The following NAALADL2 variants were observed in gnomAD, a reference collection of about 807,000 sequenced individuals.
NAALADL2 encodes the protein N-acetylated alpha-linked acidic dipeptidase like 2.
A neutral mutation model predicts 87.2 loss-of-function variants in NAALADL2; 76 were observed. That is an observed-to-expected ratio of 0.87 (90% CI 0.72 to 1.05). NAALADL2 has a LOEUF of 1.05. NAALADL2 is among the 50% of genes least tolerant of loss of function. The pLI is 0.00. For synonymous variants in NAALADL2, 354 were observed against 331.0 expected, an observed-to-expected ratio of 1.07 and a Z score of -0.75; for missense variants, 1,089 against 945.8, an observed-to-expected ratio of 1.15 and a Z score of -1.99.
chr3:175,318,696 G>A (rs1759465729), intron 4 of NAALADL2, among the ~76,000 whole-genome samples: 1 of 152,130 alleles, frequency 6.6e-6, no homozygotes, highest in African/African-American at 2.4e-5. Context: ...GGTGATGTGT[G>A]TATGATATAT....
intron 10 of NAALADL2, among the ~76,000 whole-genome samples, chr3:175,606,116 G>A (rs567158638): frequency 7.2e-5 from 11 of 152,280 alleles, no homozygotes; most frequent in Admixed American, 7.2e-4. Context: ...AAGAGCAACA[G>A]AACAAAAGAA....
intron 1 of NAALADL2, among the ~76,000 whole-genome samples, chr3:174,914,906 C>A (rs1176922614): frequency 6.6e-6 from 1 of 152,018 alleles, no homozygotes; most frequent in Non-Finnish European, 1.5e-5. Flanking sequence ...TTAGAATTAT[C>A]TTTTCATTTT....
chr3:175,592,015 T>C (rs1055868413), intron 10 of NAALADL2, among the ~76,000 whole-genome samples: 1 of 151,978 alleles, frequency 6.6e-6, no homozygotes, highest in African/African-American at 2.4e-5. Flanking sequence ...GTCTTACAAG[T>C]CTGCAAAGCA....
At chr3:174,743,105 A>G (rs1037566159) in intron 3 of NAALADL2, among the ~76,000 whole-genome samples, 6 of 151,770 alleles carry the variant, frequency 4.0e-5, no homozygotes, top group African/African-American at 1.4e-4. Flanking sequence ...ATCAAAGTAA[A>G]TATCCTATCA....
At chr3:174,644,582 C>A (rs1652664718) in intron 2 of NAALADL2, among the ~76,000 whole-genome samples, 1 of 151,994 alleles carries the variant, frequency 6.6e-6, no homozygotes, top group Admixed American at 6.5e-5. Context: ...GCAGTTTAAA[C>A]CCAGGTTGTT....
chr3:174,607,775 A>G (rs910754549), intron 2 of NAALADL2, among the ~76,000 whole-genome samples: 1 of 152,150 alleles, frequency 6.6e-6, no homozygotes, highest in Non-Finnish European at 1.5e-5. Flanking sequence ...AAAGTTAACA[A>G]GGATACCCAG....
intron 4 of NAALADL2, among the ~76,000 whole-genome samples, chr3:175,295,976 A>T (rs1490523312): frequency 1.3e-5 from 2 of 151,802 alleles, no homozygotes. Context: ...TTCTGTTTGG[A>T]ATGCAGGTTC....
rs1049357122 is a variant in NAALADL2, at chr3:175,503,600, T to C, written c.1653+31842T>C. On this transcript the variant is annotated intron_variant, in intron 9 of 13. Coordinates refer to ENST00000454872, the MANE Select transcript of NAALADL2 (RefSeq NM_207015.3). ...ACAACCTCACTAGTATGTGTTATTT[T>C]TTGACTTCTTAATAATAGCCATTCT... Among the ~76,000 whole-genome samples the C allele has an allele frequency of 3.9e-5, 6 of 152,272 alleles. No individual in the cohort carries two copies. In the South Asian group the frequency reaches 1.2e-3, roughly 32 times the overall value.
chr3:175,072,030 G>A (rs775030111), intron 1 of NAALADL2, among the ~76,000 whole-genome samples: 14 of 151,842 alleles, frequency 9.2e-5, no homozygotes, highest in African/African-American at 3.4e-4. Context: ...TGAACTTGTC[G>A]GAATATATGT....
At chr3:174,831,638 G>A (rs1722702222) in intron 3 of NAALADL2, among the ~76,000 whole-genome samples, 2 of 151,038 alleles carry the variant, frequency 1.3e-5, no homozygotes, top group South Asian at 4.2e-4. Context: ...GAGTTAGGGA[G>A]GATTCCCTCG....
intron 9 of NAALADL2, among the ~76,000 whole-genome samples, chr3:175,516,885 A>G (rs1239411200): frequency 6.6e-6 from 1 of 152,168 alleles, no homozygotes; most frequent in African/African-American, 2.4e-5. Context: ...TTTTCTTACC[A>G]TCTCTGTAAG....
chr3:175,080,939 A>C (rs765890881), intron 1 of NAALADL2: 1 of 152,204 alleles, frequency 6.6e-6, no homozygotes, highest in Non-Finnish European at 1.5e-5. Context: ...AGTAGTGTTG[A>C]ATCATTCAGG....
chr3:175,094,119 G>GT (rs1233314795), intron 1 of NAALADL2, among the ~76,000 whole-genome samples: 1 of 125,084 alleles, frequency 8.0e-6, no homozygotes, highest in East Asian at 2.4e-4. Flanking sequence ...ACGATTCAAT[G>GT]TTTTTTAAAA....
chr3:175,283,072 G>A (rs56841310), intron 4 of NAALADL2, among the ~76,000 whole-genome samples: 13,844 of 151,980 alleles, frequency 0.091, 2,110 homozygotes, highest in African/African-American at 0.32. Context: ...CACAATGTTT[G>A]TTCCAGCATT....
At chr3:175,531,750 TG>T (rs973756542) in intron 9 of NAALADL2, among the ~76,000 whole-genome samples, 2 of 152,210 alleles carry the variant, frequency 1.3e-5, no homozygotes, top group Non-Finnish European at 2.9e-5. Context: ...TCTCAAGCAA[TG>T]AGACCACATC....
At chr3:174,532,592 G>T (rs1435958128) in intron 1 of NAALADL2, among the ~76,000 whole-genome samples, 1 of 152,002 alleles carries the variant, frequency 6.6e-6, no homozygotes, top group Non-Finnish European at 1.5e-5. Context: ...GAATAGTGAG[G>T]GAGAAAAAAA....
chr3:174,483,968 C>T (rs957819554), intron 1 of NAALADL2, among the ~76,000 whole-genome samples: 24 of 152,114 alleles, frequency 1.6e-4, no homozygotes, highest in African/African-American at 5.5e-4. Context: ...AGCTATGTAC[C>T]TCAGAGATAA....
chr3:174,631,409 T>G (rs1026506249), intron 2 of NAALADL2, among the ~76,000 whole-genome samples: 2 of 152,212 alleles, frequency 1.3e-5, no homozygotes, highest in African/African-American at 4.8e-5. Flanking sequence ...GATACTTTTT[T>G]GAGTTTGGTG....
At chr3:175,076,836 T>A (rs1716688316) in intron 1 of NAALADL2, among the ~76,000 whole-genome samples, 1 of 152,192 alleles carries the variant, frequency 6.6e-6, no homozygotes. Flanking sequence ...ACTTTAAAGG[T>A]ACTGTTTATG....
Sources: gnomAD v4.1 joint callset for allele counts (sites outside exome capture counted in the v4.1 genomes callset) on GRCh38, gnomAD v4.1.1 for gene constraint, MANE v1.5 for transcripts, NCBI Gene and HGNC (gene_info 2026-07-23, HGNC 2026-07-21) for gene names.